MYO1B: variants seen among roughly 807,000 people sequenced by gnomAD.
MYO1B encodes the protein unconventional myosin-Ib.
A neutral mutation model predicts 159.7 loss-of-function variants in MYO1B; 72 were observed. That is an observed-to-expected ratio of 0.45 (90% CI 0.37 to 0.55). MYO1B has a LOEUF of 0.55. Ranked by LOEUF, MYO1B falls within the 20% of genes least tolerant of loss-of-function variation. The pLI, the probability that MYO1B is intolerant of heterozygous loss-of-function variation, is 0.00. For synonymous variants in MYO1B, 468 were observed against 473.8 expected (o/e 0.99, Z 0.16); for missense variants, 1,062 against 1,364.8 (o/e 0.78, Z 3.50).
chr2:191,249,741 TG>T (rs1686000966), intron 1 of MYO1B, among the ~76,000 whole-genome samples: 1 of 152,234 alleles, frequency 6.6e-6, no homozygotes, highest in African/African-American at 2.4e-5. Flanking sequence ...AGTTCTGCCT[TG>T]TTTATTTATT....
chr2:191,421,035 A>G (rs1027268082), intron 30 of MYO1B, among the ~76,000 whole-genome samples: 4 of 151,882 alleles, frequency 2.6e-5, no homozygotes, highest in African/African-American at 9.7e-5. Flanking sequence ...GCAAATCCTC[A>G]ATATATCTTG....
At chr2:191,289,688 G>A (rs1162756597) in intron 2 of MYO1B, among the ~76,000 whole-genome samples, 1 of 152,160 alleles carries the variant, frequency 6.6e-6, no homozygotes, top group Non-Finnish European at 1.5e-5. Context: ...AAGCATCAAA[G>A]TACATGATGG....
At chr2:191,264,955 T>C (rs1687043385) in intron 1 of MYO1B, among the ~76,000 whole-genome samples, 1 of 151,976 alleles carries the variant, frequency 6.6e-6, no homozygotes, top group Admixed American at 6.6e-5. Context: ...GTGTGCCCAG[T>C]GTCTCACTGT....
chr2:191,264,185 C>G (rs1686985759), intron 1 of MYO1B, among the ~76,000 whole-genome samples: 1 of 152,162 alleles, frequency 6.6e-6, no homozygotes, highest in African/African-American at 2.4e-5. Context: ...AATTATTTCT[C>G]AATTTACATT....
intron 30 of MYO1B, among the ~76,000 whole-genome samples, chr2:191,421,701 C>T (rs1697954163): frequency 6.6e-6 from 1 of 152,194 alleles, no homozygotes; most frequent in Non-Finnish European, 1.5e-5. Flanking sequence ...GTCTCGAACT[C>T]CTGGCCTCAA....
chr2:191,392,230 A>T, intron 19 of MYO1B, 29 bp downstream of exon 19: 1 of 1,516,394 alleles, frequency 6.6e-7, no homozygotes, highest in Non-Finnish European at 9.1e-7. Flanking sequence ...TACACTCTGA[A>T]CTTAAGTTGG....
At chr2:191,281,574 C>T (rs1208536167) in intron 2 of MYO1B, among the ~76,000 whole-genome samples, 2 of 152,198 alleles carry the variant, frequency 1.3e-5, no homozygotes, top group Non-Finnish European at 2.9e-5. Context: ...GCCCCCAGGC[C>T]AGATGGATGG....
intron 13 of MYO1B, among the ~76,000 whole-genome samples, chr2:191,374,382 TGCCTTTTA>T (rs1694566225): frequency 6.6e-6 from 1 of 152,240 alleles, no homozygotes; most frequent in Non-Finnish European, 1.5e-5. Flanking sequence ...TTAAGAGTTC[TGCCTTTTA>T]GAATACCCTG....
At chr2:191,347,290 G>T (rs1692629586) in intron 6 of MYO1B, among the ~76,000 whole-genome samples, 1 of 152,156 alleles carries the variant, frequency 6.6e-6, no homozygotes, top group African/African-American at 2.4e-5. Flanking sequence ...TAATTCCAAG[G>T]CTGTGAATTT....
In MYO1B at chr2:191,402,620, A is replaced by G. The variant is rs1227663275; in HGVS notation, c.2470-12A>G. 3.1e-6 allele frequency: 5 copies of G among 1,611,826 alleles called. No individual in the cohort carries two copies. The highest frequency in any genetic ancestry group is 1.7e-5 in the Admixed American group (1 of 59,888). On this transcript the variant is annotated splice_polypyrimidine_tract_variant and intron_variant, in intron 23 of 30. Coordinates refer to ENST00000392318, the MANE Select transcript of MYO1B (RefSeq NM_001130158.3). ...GGGCTGTCTCTTTTATTTACTATCT[A>G]AAACATTCTAGGCTCGAAGGGAATT... is the stretch of plus-strand genomic sequence containing the variant.
intron 11 of MYO1B, among the ~76,000 whole-genome samples, chr2:191,366,777 C>T (rs1455200834): frequency 6.6e-6 from 1 of 151,982 alleles, no homozygotes; most frequent in African/African-American, 2.4e-5. Flanking sequence ...TCTTTCTGCC[C>T]ATCTAAATGC....
At chr2:191,392,977 C>T in intron 19 of MYO1B, 96 bp from the exon 20 acceptor site, 1 of 1,088,218 alleles carries the variant, frequency 9.2e-7, no homozygotes, top group South Asian at 1.6e-5. Flanking sequence ...GTAATTGACT[C>T]CAACATGATG....
intron 1 of MYO1B, among the ~76,000 whole-genome samples, chr2:191,250,047 A>T (rs975352372): frequency 6.6e-6 from 1 of 152,248 alleles, no homozygotes; most frequent in East Asian, 1.9e-4. Context: ...CACACAGGTC[A>T]TGCAAGACAA....
At chr2:191,247,007 C>T (rs1289216030) in intron 1 of MYO1B, among the ~76,000 whole-genome samples, 6 of 152,204 alleles carry the variant, frequency 3.9e-5, no homozygotes, top group African/African-American at 1.4e-4. Context: ...GGAATCGAGA[C>T]TCGCCAAAGG....
chr2:191,299,334 T>TGA (rs1689167104), intron 3 of MYO1B, among the ~76,000 whole-genome samples: 1 of 152,190 alleles, frequency 6.6e-6, no homozygotes, highest in African/African-American at 2.4e-5. Flanking sequence ...CACTACGTGG[T>TGA]GAGCAAAGTA....
chr2:191,367,191 T>A (rs1380254832), intron 11 of MYO1B, among the ~76,000 whole-genome samples: 1 of 152,066 alleles, frequency 6.6e-6, no homozygotes, highest in Non-Finnish European at 1.5e-5. Flanking sequence ...GGTCCTTAAG[T>A]GGGAATAGAC....
chr2:191,363,699 A>C (rs753267416), intron 9 of MYO1B, 29 bp from the exon 10 acceptor site: 10 of 1,570,032 alleles, frequency 6.4e-6, no homozygotes, highest in South Asian at 2.4e-5. Flanking sequence ...ATAAGAAAAA[A>C]ATAGTTGCTT....
At chr2:191,409,283 A>AATCCTCTTT in intron 26 of MYO1B, 105 bp downstream of exon 26, 1 of 1,274,674 alleles carries the variant, frequency 7.8e-7, no homozygotes, top group Non-Finnish European at 1.1e-6. Flanking sequence ...TTTGCCTCAA[A>AATCCTCTTT]GAGGATTACT....
chr2:191,298,125 C>T (rs1689093589), intron 3 of MYO1B, among the ~76,000 whole-genome samples: 1 of 152,174 alleles, frequency 6.6e-6, no homozygotes, highest in African/African-American at 2.4e-5. Context: ...GTTTTAGTTT[C>T]TCTTGATAAT....
Sources: allele counts gnomAD v4.1 joint callset (sites outside exome capture counted in the v4.1 genomes callset), GRCh38; gene constraint gnomAD v4.1.1; transcripts MANE v1.5; gene names NCBI Gene and HGNC (gene_info 2026-07-23, HGNC 2026-07-21).